ZFHX3: variants seen among roughly 807,000 people sequenced by gnomAD.
ZFHX3 encodes the protein zinc finger homeobox protein 3.
ZFHX3 carries 42 observed loss-of-function variants against 279.1 expected under a neutral mutation model. The observed-to-expected ratio is 0.15, with a 90% CI of 0.12 to 0.19. The LOEUF (loss-of-function observed/expected upper bound fraction) is 0.19. Among genes scored for constraint, ZFHX3 ranks in the 10% least tolerant of loss-of-function variants. ZFHX3 has a pLI of 1.00. For synonymous variants in ZFHX3, 2,293 were observed against 1,957.8 expected (o/e 1.17, Z -4.52); for missense variants, 4,981 against 4,754.0 (o/e 1.05, Z -1.40).
At chr16:73,607,203 A>G (rs7205475) in intron 2 of ZFHX3, among the ~76,000 whole-genome samples, 2,798 of 152,130 alleles carry the variant, frequency 0.018, 97 homozygotes, top group African/African-American at 0.065. Flanking sequence ...TAATTTTTGT[A>G]TTTTTAGTAG....
intron 5 of ZFHX3, among the ~76,000 whole-genome samples, chr16:73,191,669 C>G (rs1314551066): frequency 6.6e-6 from 1 of 152,176 alleles, no homozygotes; most frequent in Non-Finnish European, 1.5e-5. Flanking sequence ...AGTCTGATCT[C>G]TCTCTGGTCC....
chr16:73,125,787 T>C (rs1315532035), intron 7 of ZFHX3, among the ~76,000 whole-genome samples: 2 of 151,974 alleles, frequency 1.3e-5, no homozygotes, highest in South Asian at 2.1e-4. Context: ...CCCATATATA[T>C]ATATGTGTGT....
chr16:73,603,041 T>A (rs528364914), intron 2 of ZFHX3, among the ~76,000 whole-genome samples: 2 of 151,012 alleles, frequency 1.3e-5, no homozygotes, highest in Non-Finnish European at 2.9e-5. Context: ...ATCCCAGCAC[T>A]TTGGGAGGCC....
chr16:73,023,113 G>C (rs1401511897), intron 1 of ZFHX3, among the ~76,000 whole-genome samples: 3 of 152,178 alleles, frequency 2.0e-5, no homozygotes, highest in Non-Finnish European at 4.4e-5. Context: ...TATGATTCCA[G>C]CTACTCAGGA....
At chr16:73,307,647 T>C (rs1043161110) in intron 4 of ZFHX3, among the ~76,000 whole-genome samples, 2 of 152,194 alleles carry the variant, frequency 1.3e-5, no homozygotes, top group Non-Finnish European at 2.9e-5. Flanking sequence ...AGGAGATCTT[T>C]CTTTTCTTCC....
chr16:72,803,413 G>A (rs1351463748), intron 7 of ZFHX3, among the ~76,000 whole-genome samples: 1 of 152,148 alleles, frequency 6.6e-6, no homozygotes, highest in African/African-American at 2.4e-5. Context: ...ACTGAAACAT[G>A]TAGGTTTATG....
At chr16:73,130,831 C>G in intron 7 of ZFHX3, 1 of 586,076 alleles carries the variant, frequency 1.7e-6, no homozygotes, top group South Asian at 2.4e-5. Context: ...TGGTCTCGAA[C>G]TCCTGACCTC....
intron 1 of ZFHX3, among the ~76,000 whole-genome samples, chr16:73,035,457 A>G (rs1964864519): frequency 6.6e-6 from 1 of 152,200 alleles, no homozygotes; most frequent in African/African-American, 2.4e-5. Context: ...CATCTCCCTA[A>G]AGCTACAATG....
chr16:73,874,676 C>T (rs146145718), intron 1 of ZFHX3, among the ~76,000 whole-genome samples: 111 of 152,202 alleles, frequency 7.3e-4, no homozygotes, highest in African/African-American at 2.5e-3. Flanking sequence ...ATTTGACTTA[C>T]CTGTTTGTGT....
intron 2 of ZFHX3, among the ~76,000 whole-genome samples, chr16:73,492,678 G>A (rs1432567799): frequency 6.6e-6 from 1 of 152,134 alleles, no homozygotes; most frequent in African/African-American, 2.4e-5. Flanking sequence ...AAATCCTCCA[G>A]CCTAAACCCT....
chr16:73,544,946 G>A (rs1317361535), intron 2 of ZFHX3, among the ~76,000 whole-genome samples: 1 of 152,160 alleles, frequency 6.6e-6, no homozygotes, highest in Non-Finnish European at 1.5e-5. Context: ...GGACGATGAC[G>A]GAAGGAGAGT....
rs886389091 is a variant in ZFHX3, at chr16:72,786,246, T to G, written c.*918A>C. 3 of 152,530 alleles carry G rather than the reference T, an allele frequency of 2.0e-5. No individual in the cohort carries two copies. The highest frequency in any genetic ancestry group is 1.9e-4 in the East Asian group (1 of 5,194). 9.4% of individuals were successfully genotyped at this position (152,530 alleles called of 1,614,324 possible). A position where few individuals can be genotyped will look rare whatever the true frequency, so the allele number is the denominator to read the frequency against. ...AAGCTAAATGTACACAAAAGGTTTT[T>G]TTTTTTTTTTCCTTTTAAATCTACC... On this transcript the variant is annotated 3_prime_UTR_variant, in exon 10 of 10. Coordinates refer to ENST00000268489, the MANE Select transcript of ZFHX3 (RefSeq NM_006885.4).
intron 5 of ZFHX3, among the ~76,000 whole-genome samples, chr16:73,224,668 G>T (rs2012536348): frequency 6.6e-6 from 1 of 152,222 alleles, no homozygotes; most frequent in African/African-American, 2.4e-5. Flanking sequence ...TAGTAGCCAT[G>T]TAGAATTGTT....
At chr16:73,453,844 G>T (rs1038402212) in intron 3 of ZFHX3, among the ~76,000 whole-genome samples, 11 of 152,104 alleles carry the variant, frequency 7.2e-5, no homozygotes, top group African/African-American at 2.7e-4. Context: ...AAAACCATCA[G>T]GTCTTGTGAG....
intron 7 of ZFHX3, among the ~76,000 whole-genome samples, chr16:73,128,871 C>A (rs1348206169): frequency 6.6e-6 from 1 of 152,132 alleles, no homozygotes. Flanking sequence ...GGAAGAGTTT[C>A]TCATCTATAT....
chr16:73,506,484 C>T (rs991871816), intron 2 of ZFHX3, among the ~76,000 whole-genome samples: 5 of 152,124 alleles, frequency 3.3e-5, no homozygotes, highest in Non-Finnish European at 5.9e-5. Flanking sequence ...TAGAGTCCCA[C>T]GGAAAAAGTT....
chr16:73,312,872 G>C (rs965385516), intron 4 of ZFHX3, among the ~76,000 whole-genome samples: 13 of 152,178 alleles, frequency 8.5e-5, no homozygotes, highest in Non-Finnish European at 4.4e-5. Context: ...TGCGTACTAT[G>C]CATCAGAGTT....
chr16:73,250,681 C>G lies in ZFHX3; in HGVS notation c.-1104+6366G>C, dbSNP rs1212548442. Among the ~76,000 whole-genome samples the G allele has an allele frequency of 2.0e-5, 3 of 151,550 alleles. No individual in the cohort carries two copies. In the East Asian group the frequency reaches 6.0e-4, roughly 30 times the overall value. On this transcript the variant is annotated intron_variant, in intron 5 of 17. Transcript: ENST00000641206. ...CTCAAGTAGTTGGGACTACAGGTGC[C>G]CGCCACCACGTCTGGCTAATTTTTT...
At chr16:73,721,184 G>A (rs1284715507) in intron 1 of ZFHX3, among the ~76,000 whole-genome samples, 1 of 151,850 alleles carries the variant, frequency 6.6e-6, no homozygotes, top group Non-Finnish European at 1.5e-5. Context: ...TGCAGTGGCG[G>A]GATCTCGGCT....
Sources: gnomAD v4.1 joint callset for allele counts (sites outside exome capture counted in the v4.1 genomes callset) on GRCh38, gnomAD v4.1.1 for gene constraint, MANE v1.5 for transcripts, NCBI Gene and HGNC (gene_info 2026-07-23, HGNC 2026-07-21) for gene names.